PRODH2: variants seen among roughly 807,000 people sequenced by gnomAD.
PRODH2 encodes the protein proline dehydrogenase 2, also known as hydroxyproline dehydrogenase.
In PRODH2, 49 loss-of-function variants were observed where a neutral mutation model predicts 51.9. The ratio of observed to expected loss-of-function variants is 0.94; its 90% CI spans 0.75 to 1.20. The LOEUF is 1.20. Ranked by LOEUF, PRODH2 falls within the 50% of genes most tolerant of loss-of-function variation. The probability of loss-of-function intolerance (pLI) is 0.00; values close to 1 mark genes in which losing one functional copy is unlikely to be tolerated. For missense variants in PRODH2, 597 were observed against 610.9 expected (o/e 0.98, Z 0.24); for synonymous variants, 249 against 260.7 (o/e 0.96, Z 0.43).
chr19:35,802,219 G>C lies in PRODH2; in HGVS notation c.1170C>G (p.Gly390=). ...DGTVCFGQLL[G]MCDHVSLALG... is the part of the protein sequence containing the mutation. ...GTGCTAGAGAGACGTGGTCACACAT[G>C]CCCAGAAGTTGTCCGAAACAGACAG... is the stretch of plus-strand genomic sequence containing the variant. Residue 390 remains glycine (G), a synonymous_variant, in exon 9 of 10, where the codon GGC becomes GGG. Transcript: ENST00000653904. The C allele has an allele frequency of 6.2e-7, 1 of 1,614,116 alleles. No homozygotes were observed. Among genetic ancestry groups the C allele is most frequent in the Non-Finnish European group, 8.5e-7 (1 of 1,180,022 alleles).
At chr19:35,800,761 C>G (rs1009765980) in intron 9 of PRODH2, among the ~76,000 whole-genome samples, 1 of 152,044 alleles carries the variant, frequency 6.6e-6, no homozygotes, top group Non-Finnish European at 1.5e-5. Flanking sequence ...GGTGTGATCA[C>G]GACTCACTGC....
intron 4 of PRODH2, among the ~76,000 whole-genome samples, chr19:35,807,952 A>G (rs1972540732): frequency 6.7e-6 from 1 of 150,118 alleles, no homozygotes; most frequent in South Asian, 2.1e-4. Flanking sequence ...ATTCTTTACT[A>G]TTTGTAGAGT....
At chr19:35,806,081 T>C (rs1972506840) in intron 7 of PRODH2, among the ~76,000 whole-genome samples, 1 of 151,520 alleles carries the variant, frequency 6.6e-6, no homozygotes, top group Non-Finnish European at 1.5e-5. Context: ...TTTTGTTTGT[T>C]TGTTTGTTTG....
chr19:35,812,611 G>A, intron 1 of PRODH2, 21 bp downstream of exon 1: 1 of 1,597,404 alleles, frequency 6.3e-7, no homozygotes, highest in Non-Finnish European at 8.6e-7. Context: ...CTCCAGGCTG[G>A]TCCTCAGGAT....
chr19:35,803,652 G>A (rs1288713722), intron 7 of PRODH2, among the ~76,000 whole-genome samples: 3 of 152,194 alleles, frequency 2.0e-5, no homozygotes, highest in Non-Finnish European at 2.9e-5. Flanking sequence ...AGTGGCGGCG[G>A]TCTCACAGGA....
chr19:35,806,973 T>A, intron 5 of PRODH2, 68 bp downstream of exon 5: 1 of 1,540,940 alleles, frequency 6.5e-7, no homozygotes, highest in Admixed American at 2.0e-5. Context: ...CAGGAGGGGT[T>A]ACCTGTGCCA....
rs1254337928 is a variant in PRODH2, at chr19:35,806,791, C to A, written c.718G>T (p.Glu240Ter). Residue 240 changes from glutamate (E) to a stop codon, truncating the protein, a stop_gained, in exon 6 of 10, where the codon GAG becomes TAG. Coordinates refer to ENST00000653904, the MANE Select transcript of PRODH2 (RefSeq NM_021232.2). LOFTEE classifies it high-confidence loss of function. ...AGCGCAGGGTTCAGTGAGGTGTACT[C>A]CGCATCCACCAGGAGCCGCACGTGC... ...AQHVRLLVDA[E>*]YTSLNPALSL... 1 of 1,612,438 alleles carries A rather than the reference C, an allele frequency of 6.2e-7. No homozygotes were observed. The highest frequency in any genetic ancestry group is 1.3e-5 in the African/African-American group (1 of 74,994).
rs749757353 is a variant in PRODH2 at position 35,800,103 on chromosome 19, G to T, written c.1318C>A (p.Gln440Lys). Residue 440 changes from glutamine (Q) to lysine (K), a missense_variant, in exon 10 of 10, where the codon CAG becomes AAG. Physicochemically the swap from Gln to Lys is moderately conservative, Grantham distance 53. Coordinates refer to ENST00000653904, the MANE Select transcript of PRODH2 (RefSeq NM_021232.2). Reference sequence around the variant, plus strand: ...CACAGTTCTTGGCTGAGCAGCTCCTGTTCCCTGCGGGCACCCTGAAGCACG... The same window carrying T: ...CACAGTTCTTGGCTGAGCAGCTCCTTTTCCCTGCGGGCACCCTGAAGCACG... The part of the protein sequence containing the change: ...RSVLQGARRE[Q>K]ELLSQELWRR... 1 of 1,611,458 alleles carries T rather than the reference G, an allele frequency of 6.2e-7. No individual in the cohort carries two copies. Among genetic ancestry groups the T allele is most frequent in the Admixed American group, 1.7e-5 (1 of 59,720 alleles).
Position 35,807,302 on chromosome 19 carries a change from TTTTG to T in PRODH2, c.598-185_598-182del, listed in dbSNP as rs959246955. Among the ~76,000 whole-genome samples the T allele has an allele frequency of 9.9e-5, 15 of 152,170 alleles. 1 individual carries two copies. The highest frequency in any genetic ancestry group is 4.2e-4 in the South Asian group (2 of 4,816). ...TTATGTAACCTTTCTGGGCCTCAGTTTTTGTTTGTTTGTTTTTTGAAACAGAGTC... is the reference window on the plus strand; with the variant it reads ...TTATGTAACCTTTCTGGGCCTCAGTTTTTGTTTGTTTTTTGAAACAGAGTC... On this transcript the variant is annotated intron_variant, in intron 4 of 9. Coordinates refer to ENST00000653904, the MANE Select transcript of PRODH2 (RefSeq NM_021232.2).
At chr19:35,811,928 C>A (rs1181373796) in intron 4 of PRODH2, 34 bp downstream of exon 4, 1 of 1,602,044 alleles carries the variant, frequency 6.2e-7, no homozygotes, top group Admixed American at 1.7e-5. Flanking sequence ...GTCCAAGGCA[C>A]TCTGTCCCCG....
intron 4 of PRODH2, among the ~76,000 whole-genome samples, chr19:35,809,084 T>TTTTCTTTCTTTCTTTCTTTCTTTCTTTC (rs1048935659): frequency 2.0e-5 from 3 of 150,466 alleles, no homozygotes; most frequent in Admixed American, 2.0e-4. Context: ...CCTGGCCCTT[T>TTTTCTTTCTTTCTTTCTTTCTTTCTTTC]TTTCTTTCTT....
At chr19:35,803,132 C>A (rs955313264) in intron 7 of PRODH2, 54 bp from the exon 8 acceptor site, 2 of 1,323,266 alleles carry the variant, frequency 1.5e-6, no homozygotes, top group Non-Finnish European at 2.0e-6. Flanking sequence ...CAGGCCCCAG[C>A]GACTGGGGTG....
Position 35,807,464 on chromosome 19 carries a change from G to A in PRODH2, c.598-343C>T, listed in dbSNP as rs184165145. 1.7e-3 allele frequency among the ~76,000 whole-genome samples: 262 copies of A among 152,116 alleles called. 2 individuals are homozygous for A. The highest frequency in any genetic ancestry group is 0.017 in the Middle Eastern group (5 of 294). On this transcript the variant is annotated intron_variant, in intron 4 of 9. Coordinates refer to ENST00000653904, the MANE Select transcript of PRODH2 (RefSeq NM_021232.2). ...ATTACAGGCGCCCGCCACCATGCCCGGCTAATATTTGTACTTTTAGTAGAG... is the reference window on the plus strand; with the variant it reads ...ATTACAGGCGCCCGCCACCATGCCCAGCTAATATTTGTACTTTTAGTAGAG...
At position 35,799,991 on chromosome 19, in the gene PRODH2, G is replaced by C. The variant is rs369649325; in HGVS notation, c.*47C>G. 7 of 1,552,408 alleles carry C rather than the reference G, an allele frequency of 4.5e-6. No individual in the cohort carries two copies. Among genetic ancestry groups the C allele is most frequent in the African/African-American group, 2.7e-5 (2 of 73,798 alleles). ...GGCGTCAGTGCAGGACAGCAGCTTA[G>C]GCAGCACCTAAGGACTTTTATTGAC... On this transcript the variant is annotated 3_prime_UTR_variant, in exon 10 of 10. Transcript: ENST00000653904.
intron 7 of PRODH2, among the ~76,000 whole-genome samples, chr19:35,805,801 C>T (rs531772136): frequency 6.6e-6 from 1 of 152,338 alleles, no homozygotes; most frequent in East Asian, 1.9e-4. Flanking sequence ...GCTAGGCCAC[C>T]TGCTCTGTAG....
intron 9 of PRODH2, 90 bp downstream of exon 9, chr19:35,802,101 G>T: frequency 2.5e-6 from 3 of 1,194,508 alleles, no homozygotes; most frequent in Non-Finnish European, 3.7e-6. Context: ...GGATCTGGAG[G>T]CTGGGCCTTG....
intron 9 of PRODH2, 137 bp from the exon 10 acceptor site, chr19:35,800,359 A>G: frequency 1.3e-6 from 1 of 759,530 alleles, no homozygotes; most frequent in Non-Finnish European, 2.0e-6. Context: ...AGCGATTCTC[A>G]TGCCTCAGCC....
At chr19:35,802,020 T>C (rs1599816996) in intron 9 of PRODH2, 171 bp downstream of exon 9, 1 of 635,432 alleles carries the variant, frequency 1.6e-6, no homozygotes, top group East Asian at 2.6e-5. Context: ...CCAGCAGAAA[T>C]GACAGACGGC....
At position 35,812,623 on chromosome 19, in the gene PRODH2, A is replaced by G; in HGVS notation, c.174+9T>C. ...AGCCTCCAGGCTGGTCCTCAGGATC[A>G]CTGCTCACCAACAGCCCGTGAGTGA... is the stretch of plus-strand genomic sequence containing the variant. On this transcript the variant is annotated intron_variant, in intron 1 of 9. Transcript: ENST00000653904. The G allele has an allele frequency of 6.3e-7, 1 of 1,593,644 alleles. No homozygotes were observed.
Sources: gnomAD v4.1 joint callset for allele counts (sites outside exome capture counted in the v4.1 genomes callset) on GRCh38, gnomAD v4.1.1 for gene constraint, MANE v1.5 for transcripts, NCBI Gene and HGNC (gene_info 2026-07-23, HGNC 2026-07-21) for gene names.